Variants in ARHGEF3 observed in about 807,000 individuals in gnomAD.
ARHGEF3 encodes the protein 59.8 kDA protein.
ARHGEF3 carries 28 observed loss-of-function variants against 63.2 expected under a neutral mutation model. The observed-to-expected ratio is 0.44, with a 90% CI of 0.33 to 0.61. The LOEUF is 0.61. Ranked by LOEUF, ARHGEF3 falls within the 20% of genes least tolerant of loss-of-function variation. The probability of loss-of-function intolerance (pLI) is 0.03; values close to 1 mark genes in which losing one functional copy is unlikely to be tolerated. For missense variants in ARHGEF3, 533 were observed against 659.3 expected, an observed-to-expected ratio of 0.81 and a Z score of 2.10; for synonymous variants, 266 against 254.2, an observed-to-expected ratio of 1.05 and a Z score of -0.44.
chr3:57,074,156 G>A, intron 1 of ARHGEF3: 2 of 1,614,152 alleles, frequency 1.2e-6, no homozygotes, highest in Non-Finnish European at 1.7e-6. Context: ...TAGATGCCGA[G>A]CCCAGTAGCA....
At chr3:56,849,229 G>C (rs2039590906) in intron 4 of ARHGEF3, among the ~76,000 whole-genome samples, 1 of 152,106 alleles carries the variant, frequency 6.6e-6, no homozygotes, top group South Asian at 2.1e-4. Flanking sequence ...AGAATTAGAA[G>C]GTCTTTTACC....
At chr3:56,902,141 A>G (rs541773519) in intron 3 of ARHGEF3, among the ~76,000 whole-genome samples, 108 of 152,330 alleles carry the variant, frequency 7.1e-4, no homozygotes, top group South Asian at 1.7e-3. Context: ...ACAAGAAGGC[A>G]GTGTATCACC....
At chr3:56,871,024 T>G (rs371738957) in intron 4 of ARHGEF3, among the ~76,000 whole-genome samples, 190 of 152,292 alleles carry the variant, frequency 1.2e-3, no homozygotes, top group African/African-American at 4.1e-3. Flanking sequence ...CATATATATT[T>G]ATCTATCTAT....
chr3:56,762,746 T>C (rs540550169), intron 2 of ARHGEF3, among the ~76,000 whole-genome samples: 8 of 152,078 alleles, frequency 5.3e-5, no homozygotes, highest in Non-Finnish European at 1.0e-4. Context: ...GGATTGGAGG[T>C]TGGGGTGGGA....
intron 4 of ARHGEF3, among the ~76,000 whole-genome samples, chr3:56,812,138 C>A (rs968055732): frequency 6.6e-6 from 1 of 152,158 alleles, no homozygotes; most frequent in South Asian, 2.1e-4. Flanking sequence ...TCAAAGAACA[C>A]GTCACGGAGG....
intron 1 of ARHGEF3, among the ~76,000 whole-genome samples, chr3:56,789,636 T>G (rs1328641242): frequency 6.6e-6 from 1 of 152,256 alleles, no homozygotes; most frequent in Non-Finnish European, 1.5e-5. Context: ...AGAACATGCC[T>G]TGTTCACTGT....
intron 2 of ARHGEF3, among the ~76,000 whole-genome samples, chr3:56,981,206 T>C (rs1701315124): frequency 1.3e-5 from 2 of 152,216 alleles, no homozygotes; most frequent in South Asian, 4.1e-4. Context: ...TGGAAACACA[T>C]GCCGATGTCC....
intron 1 of ARHGEF3, among the ~76,000 whole-genome samples, chr3:57,054,548 G>C (rs1410166672): frequency 6.6e-6 from 1 of 151,548 alleles, no homozygotes; most frequent in Non-Finnish European, 1.5e-5. Context: ...TGAGGTGGGA[G>C]GATTGCTTGA....
At chr3:56,832,939 T>G (rs2038980003) in intron 4 of ARHGEF3, among the ~76,000 whole-genome samples, 2 of 152,266 alleles carry the variant, frequency 1.3e-5, no homozygotes, top group Admixed American at 1.3e-4. Flanking sequence ...TTCATCCATG[T>G]TGTAGCATGC....
intron 2 of ARHGEF3, among the ~76,000 whole-genome samples, chr3:56,989,032 G>C (rs1701645658): frequency 6.6e-6 from 1 of 152,142 alleles, no homozygotes; most frequent in African/African-American, 2.4e-5. Flanking sequence ...TGCAGCCACT[G>C]AACGTTTCCA....
intron 1 of ARHGEF3, among the ~76,000 whole-genome samples, chr3:57,048,029 G>C (rs1185204937): frequency 6.6e-6 from 1 of 152,134 alleles, no homozygotes; most frequent in Non-Finnish European, 1.5e-5. Context: ...CTGACTGATA[G>C]TAACCCTTGG....
intron 2 of ARHGEF3, among the ~76,000 whole-genome samples, chr3:57,012,541 G>T (rs1008943996): frequency 6.6e-6 from 1 of 152,198 alleles, no homozygotes; most frequent in African/African-American, 2.4e-5. Context: ...TTACAGGCGT[G>T]AGCCACTGCA....
At chr3:56,863,155 T>G (rs2040134988) in intron 4 of ARHGEF3, among the ~76,000 whole-genome samples, 1 of 151,932 alleles carries the variant, frequency 6.6e-6, no homozygotes, top group Non-Finnish European at 1.5e-5. Context: ...TTTTTTTTTT[T>G]GAGACAGAGT....
intron 1 of ARHGEF3, chr3:57,074,019 C>T: frequency 1.2e-6 from 2 of 1,614,194 alleles, no homozygotes; most frequent in Non-Finnish European, 1.7e-6. Flanking sequence ...CTCTTCACCT[C>T]CAGCTCTCCT....
intron 2 of ARHGEF3, among the ~76,000 whole-genome samples, chr3:56,997,409 C>G (rs1412011502): frequency 3.9e-5 from 6 of 152,122 alleles, no homozygotes; most frequent in African/African-American, 1.4e-4. Flanking sequence ...AGGTGGAGGG[C>G]TCTTGGTTCT....
At chr3:57,012,875 A>G (rs1702761275) in intron 2 of ARHGEF3, among the ~76,000 whole-genome samples, 1 of 152,100 alleles carries the variant, frequency 6.6e-6, no homozygotes. Context: ...TTGCAGAGGG[A>G]TGTGGAGGGA....
At chr3:56,760,538 T>C (rs1300009620) in intron 2 of ARHGEF3, among the ~76,000 whole-genome samples, 1 of 152,138 alleles carries the variant, frequency 6.6e-6, no homozygotes, top group Non-Finnish European at 1.5e-5. Flanking sequence ...AGAGGGTCTT[T>C]TATGCGCTTT....
intron 6 of ARHGEF3, among the ~76,000 whole-genome samples, chr3:56,749,626 G>T (rs2034605273): frequency 6.6e-6 from 1 of 152,182 alleles, no homozygotes. Context: ...TCTCTTTGGA[G>T]AAATTTCTTT....
At position 56,832,654 on chromosome 3, in the gene ARHGEF3, A is replaced by G. The variant is rs568650328; in HGVS notation, c.192+49638T>C. 2.0e-5 allele frequency among the ~76,000 whole-genome samples: 3 copies of G among 152,358 alleles called. No homozygotes were observed. The East Asian group carries it at 5.8e-4, about 29-fold the overall frequency. On this transcript the variant is annotated intron_variant, in intron 4 of 12. Transcript: ENST00000338458. Reference sequence around the variant, plus strand: ...TAAAATTTACCATTTTAACTATTTTAAAGCACACAATTCACTGGTGATCAT... The same window carrying G: ...TAAAATTTACCATTTTAACTATTTTGAAGCACACAATTCACTGGTGATCAT...
Sources: gnomAD v4.1 joint callset for allele counts (sites outside exome capture counted in the v4.1 genomes callset) on GRCh38, gnomAD v4.1.1 for gene constraint, MANE v1.5 for transcripts, NCBI Gene and HGNC (gene_info 2026-07-23, HGNC 2026-07-21) for gene names.